The following JAK1 variants were observed in gnomAD, a reference collection of about 807,000 sequenced individuals.
JAK1 encodes the protein tyrosine-protein kinase JAK1.
A neutral mutation model predicts 136.6 loss-of-function variants in JAK1; 16 were observed. The observed-to-expected ratio is 0.12, with a 90% CI of 0.08 to 0.18. The LOEUF is 0.18. Ranked by LOEUF, JAK1 falls within the 10% of genes least tolerant of loss-of-function variation. The pLI, the probability that JAK1 is intolerant of heterozygous loss-of-function variation, is 1.00. For synonymous variants in JAK1, 492 were observed against 519.5 expected (o/e 0.95, Z 0.72); for missense variants, 859 against 1,450.1 (o/e 0.59, Z 6.62).
chr1:64,998,629 T>C lies in JAK1; in HGVS notation c.-78+45851A>G, dbSNP rs376884347. On this transcript the variant is annotated intron_variant, in intron 2 of 25. Coordinates refer to the JAK1 transcript ENST00000671954. ...ACCCAAATCTCATCTTGAATTCCCATGTGTCATGGGAGGAACCCAGTGATA... is the reference window on the plus strand; with the variant it reads ...ACCCAAATCTCATCTTGAATTCCCACGTGTCATGGGAGGAACCCAGTGATA... 1.9e-4 allele frequency among the ~76,000 whole-genome samples: 29 copies of C among 152,306 alleles called. 5 individuals carry two copies. The highest frequency in any genetic ancestry group is 3.3e-4 in the Admixed American group (5 of 15,296).
chr1:64,886,095 G>GT (rs537659424), intron 2 of JAK1, among the ~76,000 whole-genome samples, 164 bp downstream of exon 2: 230 of 152,028 alleles, frequency 1.5e-3, no homozygotes, highest in African/African-American at 5.2e-3. Flanking sequence ...TGTATTTGAG[G>GT]TTTTTTTTAA....
At chr1:64,928,128 G>T (rs1645614679) in intron 1 of JAK1, among the ~76,000 whole-genome samples, 1 of 152,108 alleles carries the variant, frequency 6.6e-6, no homozygotes, top group South Asian at 2.1e-4. Flanking sequence ...CTCCAAACCT[G>T]CCAGTGCCCC....
chr1:65,049,547 GCTTT>G (rs111737266), intron 1 of JAK1, among the ~76,000 whole-genome samples: 41 of 152,298 alleles, frequency 2.7e-4, no homozygotes, highest in African/African-American at 9.4e-4. Flanking sequence ...GTGGGCATGA[GCTTT>G]CTGACTGGCC....
At chr1:64,950,422 T>G (rs879875061) in intron 1 of JAK1, among the ~76,000 whole-genome samples, 1 of 149,606 alleles carries the variant, frequency 6.7e-6, no homozygotes, top group Non-Finnish European at 1.5e-5. Context: ...AAAAAAAAAG[T>G]CAACATTAAA....
intron 2 of JAK1, among the ~76,000 whole-genome samples, chr1:65,020,800 C>T (rs1646931409): frequency 6.6e-6 from 1 of 152,156 alleles, no homozygotes; most frequent in Non-Finnish European, 1.5e-5. Flanking sequence ...AAAGGACCAT[C>T]TACAAAGGTG....
rs375626777 is a variant in JAK1, at chr1:65,040,089, C to T, written c.-78+4391G>A. ...AATTAGCCAGACATGGTGGTGGGCA[C>T]CTATAATCCCAGCTACTCGGGAGGC... is the stretch of plus-strand genomic sequence containing the variant. On this transcript the variant is annotated intron_variant, in intron 2 of 25. Transcript: ENST00000671954. 1.5e-4 allele frequency among the ~76,000 whole-genome samples: 23 copies of T among 152,108 alleles called. 1 individual carries two copies. Among genetic ancestry groups the T allele is most frequent in the Admixed American group, 3.3e-4 (5 of 15,270 alleles).
intron 20 of JAK1, 184 bp downstream of exon 20, chr1:64,839,417 CCT>C (rs1654747004): frequency 2.2e-6 from 1 of 461,664 alleles, no homozygotes. Context: ...TGGGTGGCCT[CCT>C]CAGGAGCCCT....
intron 1 of JAK1, among the ~76,000 whole-genome samples, chr1:65,066,135 A>G (rs1648030031): frequency 6.6e-6 from 1 of 152,154 alleles, no homozygotes; most frequent in Admixed American, 6.5e-5. Context: ...CCTTCAAAGC[A>G]GGGATAAGCA....
At chr1:65,022,713 T>C (rs1045968652) in intron 2 of JAK1, among the ~76,000 whole-genome samples, 2 of 152,224 alleles carry the variant, frequency 1.3e-5, no homozygotes, top group Non-Finnish European at 1.5e-5. Context: ...AATAGTGGGT[T>C]GCAGTACCTT....
chr1:64,947,566 G>A (rs967455537), intron 1 of JAK1, among the ~76,000 whole-genome samples: 5 of 151,758 alleles, frequency 3.3e-5, no homozygotes, highest in African/African-American at 1.2e-4. Context: ...TATATCCTTG[G>A]AGTCCATGAA....
At chr1:64,881,712 T>C (rs1027790998) in intron 3 of JAK1, among the ~76,000 whole-genome samples, 1 of 152,174 alleles carries the variant, frequency 6.6e-6, no homozygotes, top group Non-Finnish European at 1.5e-5. Flanking sequence ...CCCAGAGTTA[T>C]AGGAGGTCCA....
At chr1:64,906,625 G>T (rs1345696027) in intron 1 of JAK1, among the ~76,000 whole-genome samples, 2 of 152,162 alleles carry the variant, frequency 1.3e-5, no homozygotes, top group Non-Finnish European at 2.9e-5. Flanking sequence ...GCCATTCTCA[G>T]TCACTATCAT....
At chr1:65,005,096 A>G (rs1270610180) in intron 2 of JAK1, among the ~76,000 whole-genome samples, 1 of 152,200 alleles carries the variant, frequency 6.6e-6, no homozygotes, top group Non-Finnish European at 1.5e-5. Flanking sequence ...TCTGAACTCA[A>G]GAAACAAACA....
intron 17 of JAK1, 132 bp downstream of exon 17, chr1:64,843,932 C>G: frequency 1.1e-6 from 1 of 951,418 alleles, no homozygotes; most frequent in East Asian, 2.4e-5. Context: ...GTCACACACC[C>G]AGTAGGCCCG....
chr1:64,990,074 G>GAGGC (rs1336189038), intron 2 of JAK1: 3 of 152,272 alleles, frequency 2.0e-5, no homozygotes, highest in African/African-American at 7.2e-5. Flanking sequence ...TTGGGAGGCT[G>GAGGC]AGGCAGGCAG....
In JAK1 at chr1:64,928,787, A is replaced by AAAAAAAAAAC. The variant is rs1557699447; in HGVS notation, c.-78+37536_-78+37545dup. ...GTGCTATAAAACTCTGCAAAAAAAA[A>AAAAAAAAAAC]AAAAAAAAACAAAAAAAAAAAACTC... On this transcript the variant is annotated intron_variant, in intron 1 of 24. Transcript: ENST00000342505. Among the ~76,000 whole-genome samples the AAAAAAAAAAC allele has an allele frequency of 6.5e-3, 602 of 92,496 alleles. 1 individual carries two copies. Among genetic ancestry groups the AAAAAAAAAAC allele is most frequent in the Non-Finnish European group, 8.5e-3 (437 of 51,244 alleles). 60.7% of individuals were successfully genotyped at this position (92,496 alleles called of 152,430 possible).
chr1:64,997,378 T>C (rs992069569), intron 2 of JAK1, among the ~76,000 whole-genome samples: 2 of 152,220 alleles, frequency 1.3e-5, no homozygotes, highest in African/African-American at 4.8e-5. Flanking sequence ...ATTATTTGAA[T>C]ACCTTCTATT....
intron 2 of JAK1, chr1:64,985,949 C>T (rs1646594744): frequency 1.9e-6 from 2 of 1,044,324 alleles, no homozygotes; most frequent in South Asian, 1.3e-5. Flanking sequence ...GGGTATTTGC[C>T]TTGTCCTTCA....
At chr1:64,949,166 G>A (rs997091091) in intron 1 of JAK1, among the ~76,000 whole-genome samples, 3 of 152,204 alleles carry the variant, frequency 2.0e-5, no homozygotes, top group African/African-American at 7.2e-5. Context: ...GATGTGTTCA[G>A]ATTTGCATTA....
Sources: allele counts gnomAD v4.1 joint callset (sites outside exome capture counted in the v4.1 genomes callset), GRCh38; gene constraint gnomAD v4.1.1; transcripts MANE v1.5; gene names NCBI Gene and HGNC (gene_info 2026-07-23, HGNC 2026-07-21).